The following RHBDD1 variants were observed in gnomAD, a reference collection of about 807,000 sequenced individuals.
RHBDD1 encodes rhomboid-related protein 4.
In RHBDD1, 38 loss-of-function variants were observed where a neutral mutation model predicts 36.3. The ratio of observed to expected loss-of-function variants is 1.05; its 90% CI spans 0.81 to 1.37. The LOEUF (loss-of-function observed/expected upper bound fraction) is 1.37, where lower values mean the gene tolerates loss of function less well. Ranked by LOEUF, RHBDD1 falls within the 40% of genes most tolerant of loss-of-function variation. The probability of loss-of-function intolerance (pLI) is 0.00; values close to 1 mark genes in which losing one functional copy is unlikely to be tolerated. For missense variants in RHBDD1, 393 were observed against 377.6 expected, an observed-to-expected ratio of 1.04 and a Z score of -0.34; for synonymous variants, 151 against 136.5, an observed-to-expected ratio of 1.11 and a Z score of -0.74.
At chr2:226,944,405 C>A (rs2149176497) in intron 8 of RHBDD1, among the ~76,000 whole-genome samples, 1 of 152,224 alleles carries the variant, frequency 6.6e-6, no homozygotes, top group Admixed American at 6.5e-5. Flanking sequence ...TGCCACCAGG[C>A]TAGGGGGACA....
the RHBDD1 span, among the ~76,000 whole-genome samples, chr2:226,820,969 G>C: frequency 1.3e-5 from 2 of 152,192 alleles, no homozygotes; most frequent in Non-Finnish European, 2.9e-5. Flanking sequence ...CGTGGCATCA[G>C]TCAAACCTTC....
intron 3 of RHBDD1, among the ~76,000 whole-genome samples, chr2:226,861,871 G>A (rs193213131): frequency 1.9e-3 from 284 of 152,314 alleles, no homozygotes; most frequent in African/African-American, 6.6e-3. Flanking sequence ...GAGCATTTCA[G>A]TTTAAATTTC....
chr2:226,889,382 C>CAT (rs1946498586), intron 5 of RHBDD1, among the ~76,000 whole-genome samples: 8 of 152,094 alleles, frequency 5.3e-5, no homozygotes, highest in African/African-American at 1.9e-4. Context: ...TACATTTTCA[C>CAT]GTTAGTTGCG....
intron 5 of RHBDD1, 82 bp from the exon 6 acceptor site, chr2:226,906,711 C>T (rs750440057): frequency 6.2e-7 from 1 of 1,606,432 alleles, no homozygotes; most frequent in Non-Finnish European, 8.5e-7. Context: ...GACTATTTGA[C>T]ATGCACTGGG....
At chr2:226,992,013 C>T (rs1257393425) in intron 8 of RHBDD1, among the ~76,000 whole-genome samples, 1 of 152,226 alleles carries the variant, frequency 6.6e-6, no homozygotes, top group Non-Finnish European at 1.5e-5. Context: ...TGTCCAGATT[C>T]TTTCCTGTGT....
intron 8 of RHBDD1, among the ~76,000 whole-genome samples, chr2:226,944,891 C>T (rs765613731): frequency 1.3e-5 from 2 of 151,908 alleles, no homozygotes; most frequent in East Asian, 3.9e-4. Context: ...TGTGATGAGA[C>T]CTTAGTGAAG....
intron 3 of RHBDD1, among the ~76,000 whole-genome samples, chr2:226,839,891 CG>C (rs1056096909): frequency 5.9e-5 from 9 of 152,120 alleles, no homozygotes; most frequent in African/African-American, 2.2e-4. Flanking sequence ...ACAAATGACT[CG>C]GGGAAAAAGA....
intron 8 of RHBDD1, among the ~76,000 whole-genome samples, chr2:226,958,058 CAT>C (rs954779195): frequency 6.6e-6 from 1 of 152,116 alleles, no homozygotes; most frequent in African/African-American, 2.4e-5. Context: ...GAAATGAAAA[CAT>C]ATACCTACAC....
chr2:226,844,522 C>T (rs1258290685), intron 3 of RHBDD1, among the ~76,000 whole-genome samples: 1 of 152,208 alleles, frequency 6.6e-6, no homozygotes, highest in East Asian at 1.9e-4. Context: ...ATAAATAATT[C>T]ACAAACACTT....
chr2:226,986,514 G>A (rs540229007), intron 8 of RHBDD1, among the ~76,000 whole-genome samples: 2 of 152,192 alleles, frequency 1.3e-5, no homozygotes, highest in South Asian at 4.2e-4. Flanking sequence ...TCAAAAAGCA[G>A]GTAAAGGATA....
chr2:226,979,314 A>T (rs1173648589), intron 8 of RHBDD1, among the ~76,000 whole-genome samples: 1 of 152,182 alleles, frequency 6.6e-6, no homozygotes, highest in Non-Finnish European at 1.5e-5. Context: ...GGACACATAG[A>T]AGGGTGAGAA....
Position 226,950,027 on chromosome 2 carries a change from A to G in RHBDD1, c.856+35676A>G, listed in dbSNP as rs115637570. 5.5e-3 allele frequency among the ~76,000 whole-genome samples: 844 copies of G among 152,368 alleles called. 10 individuals are homozygous for G. Among genetic ancestry groups the G allele is most frequent in the African/African-American group, 0.019 (810 of 41,580 alleles). On this transcript the variant is annotated intron_variant, in intron 8 of 8. Coordinates refer to ENST00000392062, the MANE Select transcript of RHBDD1 (RefSeq NM_001167608.3). ...TGTGGAATGGCTAAACAACCTAATT[A>G]ACATAAGTTACCTTACATCCTTAGT...
At chr2:226,811,388 G>A in the RHBDD1 span, among the ~76,000 whole-genome samples, 2 of 152,154 alleles carry the variant, frequency 1.3e-5, no homozygotes, top group African/African-American at 2.4e-5. Context: ...TTCAACCTCC[G>A]CGTCCCGGGT....
intron 8 of RHBDD1, among the ~76,000 whole-genome samples, chr2:226,981,891 G>T (rs866404718): frequency 1.3e-5 from 2 of 152,172 alleles, no homozygotes; most frequent in South Asian, 4.1e-4. Context: ...TCACTGCCAC[G>T]TATCTCATGG....
the RHBDD1 span, chr2:226,807,473 C>A: frequency 6.6e-6 from 1 of 152,030 alleles, no homozygotes; most frequent in African/African-American, 2.4e-5. Flanking sequence ...ACATAAATGT[C>A]TTTGATTCCT....
chr2:226,837,341 A>G (rs139509963), intron 1 of RHBDD1, among the ~76,000 whole-genome samples: 66 of 152,304 alleles, frequency 4.3e-4, no homozygotes, highest in African/African-American at 1.4e-3. Context: ...GCTGTAGCGC[A>G]TGGATATTGG....
At position 226,920,865 on chromosome 2, in the gene RHBDD1, G is replaced by A. The variant is rs143413859; in HGVS notation, c.856+6514G>A. On this transcript the variant is annotated intron_variant, in intron 8 of 8. Transcript: ENST00000392062. ...CTGGTTTTGGTATCAGGATAATACTGGCCTCATAGAATTAGTGTGGAAGTA... is the reference window on the plus strand; with the variant it reads ...CTGGTTTTGGTATCAGGATAATACTAGCCTCATAGAATTAGTGTGGAAGTA... Among the ~76,000 whole-genome samples, 562 of 152,168 alleles carry A rather than the reference G, an allele frequency of 3.7e-3. 4 individuals carry two copies. The highest frequency in any genetic ancestry group is 3.4e-3 in the Middle Eastern group (1 of 294).
intron 7 of RHBDD1, among the ~76,000 whole-genome samples, chr2:226,910,738 T>G (rs1246276349): frequency 6.6e-6 from 1 of 152,160 alleles, no homozygotes; most frequent in African/African-American, 2.4e-5. Flanking sequence ...ATTGTTTGAT[T>G]GCTAGGTTTT....
chr2:226,857,302 G>A (rs907389697), intron 3 of RHBDD1, among the ~76,000 whole-genome samples: 1 of 152,156 alleles, frequency 6.6e-6, no homozygotes, highest in African/African-American at 2.4e-5. Flanking sequence ...CATTGTTGAG[G>A]ATGTGGTGAA....
Sources: allele counts gnomAD v4.1 joint callset (sites outside exome capture counted in the v4.1 genomes callset), GRCh38; gene constraint gnomAD v4.1.1; transcripts MANE v1.5; gene names NCBI Gene and HGNC (gene_info 2026-07-23, HGNC 2026-07-21).